Variants in CACNA1C observed in about 807,000 individuals in gnomAD.
CACNA1C encodes the protein calcium voltage-gated channel subunit alpha1 C, also known as voltage-dependent L-type calcium channel subunit alpha-1C.
CACNA1C carries 30 observed loss-of-function variants against 229.0 expected under a neutral mutation model. That is an observed-to-expected ratio of 0.13 (90% CI 0.10 to 0.18). The LOEUF (loss-of-function observed/expected upper bound fraction) is 0.18, where lower values mean the gene tolerates loss of function less well. Among genes scored for constraint, CACNA1C ranks in the 10% least tolerant of loss-of-function variants. The probability of loss-of-function intolerance (pLI) is 1.00; values close to 1 mark genes in which losing one functional copy is unlikely to be tolerated. For synonymous variants in CACNA1C, 1,114 were observed against 1,132.5 expected (o/e 0.98, Z 0.33); for missense variants, 1,658 against 2,845.0 (o/e 0.58, Z 9.49).
chr12:2,495,274 C>G lies in CACNA1C; in HGVS notation c.1113+1888C>G, dbSNP rs903714250. ...CTGGTCCTTCTTCCTGGGGTGGGTC[C>G]CTCTGACCAGCCAAGGACAGAAACA... is the stretch of plus-strand genomic sequence containing the variant. On this transcript the variant is annotated intron_variant, in intron 7 of 46. Coordinates refer to ENST00000399655, the MANE Select transcript of CACNA1C (RefSeq NM_000719.7). 2.0e-5 allele frequency among the ~76,000 whole-genome samples: 3 copies of G among 152,146 alleles called. No individual in the cohort carries two copies. The South Asian group carries it at 6.2e-4, about 32-fold the overall frequency.
At chr12:2,468,581 G>A (rs371155474) in intron 5 of CACNA1C, among the ~76,000 whole-genome samples, 30 of 152,342 alleles carry the variant, frequency 2.0e-4, no homozygotes, top group South Asian at 8.3e-4. Flanking sequence ...TTCCTGAGCC[G>A]AGGGGAATCA....
intron 3 of CACNA1C, among the ~76,000 whole-genome samples, chr12:2,265,705 C>T (rs1255801630): frequency 6.6e-6 from 1 of 152,222 alleles, no homozygotes; most frequent in African/African-American, 2.4e-5. Context: ...ATGGAATGTG[C>T]CTGGTAGCAA....
Position 2,029,670 on chromosome 12 carries a change from A to G in CACNA1C, c.139+58469A>G, listed in dbSNP as rs1413423040. On this transcript the variant is annotated intron_variant, in intron 1 of 46. Coordinates refer to the CACNA1C transcript ENST00000682462. The surrounding 1 kb of genome is among the most constrained non-coding windows in gnomAD (Gnocchi z 4.9). Reference sequence around the variant, plus strand: ...AATTTTGTTGCCTTTGTCTCTCACCACTCCCGAAGTGAGGCTAACTGACTG... The same window carrying G: ...AATTTTGTTGCCTTTGTCTCTCACCGCTCCCGAAGTGAGGCTAACTGACTG... Among the ~76,000 whole-genome samples the G allele has an allele frequency of 1.3e-5, 2 of 151,576 alleles. No homozygotes were observed. The highest frequency in any genetic ancestry group is 3.9e-4 in the East Asian group (2 of 5,166).
chr12:2,372,744 G>A (rs1594483876), intron 3 of CACNA1C, among the ~76,000 whole-genome samples: 2 of 152,110 alleles, frequency 1.3e-5, no homozygotes, highest in Admixed American at 1.3e-4. Flanking sequence ...CCATCCATCC[G>A]TTAGCCTGCC....
At chr12:2,567,446 A>G in intron 12 of CACNA1C, 123 bp from the exon 13 acceptor site, 1 of 635,276 alleles carries the variant, frequency 1.6e-6, no homozygotes, top group Non-Finnish European at 2.7e-6. Context: ...GCCGAGGTGG[A>G]TGGGAGAGGT....
chr12:2,402,983 A>G (rs959177457), intron 3 of CACNA1C, among the ~76,000 whole-genome samples: 12 of 152,180 alleles, frequency 7.9e-5, no homozygotes, highest in Admixed American at 7.2e-4. Flanking sequence ...GTTTTTGGGT[A>G]GGGATGCGAG....
Position 2,573,862 on chromosome 12 carries a change from G to T in CACNA1C, c.1895+6068G>T, listed in dbSNP as rs375100257. Among the ~76,000 whole-genome samples, 4 of 152,274 alleles carry T rather than the reference G, an allele frequency of 2.6e-5. No individual in the cohort carries two copies. In the South Asian group the frequency reaches 8.3e-4, roughly 32 times the overall value. The stretch of plus-strand genomic sequence containing the variant: ...TTCTATGAATGGGTGAGATCCGGGT[G>T]GACTTACAACTCATCCATGATGCCT... On this transcript the variant is annotated intron_variant, in intron 13 of 46. Coordinates refer to ENST00000399655, the MANE Select transcript of CACNA1C (RefSeq NM_000719.7).
At chr12:2,437,098 G>T (rs1483354157) in intron 3 of CACNA1C, among the ~76,000 whole-genome samples, 1 of 152,252 alleles carries the variant, frequency 6.6e-6, no homozygotes, top group Non-Finnish European at 1.5e-5. Context: ...GCAGGGTTGG[G>T]TCTCAGGCCA....
intron 8 of CACNA1C, among the ~76,000 whole-genome samples, chr12:2,511,754 C>T (rs1322839883): frequency 6.6e-6 from 1 of 152,166 alleles, no homozygotes; most frequent in Non-Finnish European, 1.5e-5. Context: ...CAGCCTCCTC[C>T]TTGCTCAGAA....
Position 2,651,288 on chromosome 12 carries a change from A to G in CACNA1C, c.3946-352A>G. 2.8e-6 allele frequency: 1 copy of G among 362,870 alleles called. No homozygotes were observed. Among genetic ancestry groups the G allele is most frequent in the Admixed American group, 4.1e-5 (1 of 24,296 alleles). The allele number at this position is 362,870 out of a possible 1,614,324, so 22.5% of individuals were successfully genotyped here. A position where few individuals can be genotyped will look rare whatever the true frequency, so the allele number is the denominator to read the frequency against. ...AGTGCAGAGGAGGGGTTCCCAGGGC[A>G]GCTGGCTCTGGGCCTAGAAGATTCC... On this transcript the variant is annotated intron_variant, in intron 31 of 46. Transcript: ENST00000399655. This position sits in a 1 kb window ranked among gnomAD's most constrained non-coding sequence, Gnocchi z 5.4.
Position 2,460,953 on chromosome 12 carries a change from G to A in CACNA1C, c.757+3247G>A, listed in dbSNP as rs550606256. On this transcript the variant is annotated intron_variant, in intron 5 of 46. Coordinates refer to ENST00000399655, the MANE Select transcript of CACNA1C (RefSeq NM_000719.7). Reference sequence around the variant, plus strand: ...TGGATCAGTGCACTGTACCAGTGTGGTTGGTGTCATCTACAAAGATGTCAG... The same window carrying A: ...TGGATCAGTGCACTGTACCAGTGTGATTGGTGTCATCTACAAAGATGTCAG... 3.3e-5 allele frequency among the ~76,000 whole-genome samples: 5 copies of A among 152,322 alleles called. No individual in the cohort carries two copies. The South Asian group carries it at 6.2e-4, about 19-fold the overall frequency.
rs960511816 is a variant in CACNA1C at position 2,488,036 on chromosome 12, A to C, written c.916+1774A>C. Among the ~76,000 whole-genome samples the C allele has an allele frequency of 6.6e-6, 1 of 152,210 alleles. No individual in the cohort carries two copies. Among genetic ancestry groups the C allele is most frequent in the African/African-American group, 2.4e-5 (1 of 41,448 alleles). ...AGTCTCAAAGATTCCCCATCAGTTC[A>C]GCAGTGAATGATGGTGAGGCCCTCA... On this transcript the variant is annotated intron_variant, in intron 6 of 46. Transcript: ENST00000399655. The surrounding 1 kb of genome is among the most constrained non-coding windows in gnomAD (Gnocchi z 4.0).
Position 2,653,883 on chromosome 12 carries a change from G to T in CACNA1C, c.4123G>T (p.Ala1375Ser). The change falls in exon 33 of 47, where the codon GCG (alanine) becomes TCG (serine). Residue 1375 changes from alanine to serine, a missense_variant. Around this residue, in one of 20 missense-constraint regions of CACNA1C, gnomAD observed 151 missense variants for 344.4 expected, o/e 0.44. Transcript: ENST00000399655. This position sits in a 1 kb window ranked among gnomAD's most constrained non-coding sequence, Gnocchi z 4.7. ...GATCGTGATGCTGTTCTTCATCTAC[G>T]CGGTGATCGGGATGCAGGTAGGGAG... The part of the protein sequence containing the change: ...LLIVMLFFIY[A>S]VIGMQVFGKI... 6.2e-7 allele frequency: 1 copy of T among 1,613,796 alleles called. No individual in the cohort carries two copies. The highest frequency in any genetic ancestry group is 8.5e-7 in the Non-Finnish European group (1 of 1,179,852).
At chr12:2,064,988 C>T (rs1247154021) in intron 1 of CACNA1C, among the ~76,000 whole-genome samples, 1 of 152,288 alleles carries the variant, frequency 6.6e-6, no homozygotes, top group Non-Finnish European at 1.5e-5. Context: ...ACTTTGAAGG[C>T]CAATGTACTT....
chr12:2,638,038 T>A (rs554197970), intron 30 of CACNA1C, among the ~76,000 whole-genome samples: 10 of 152,198 alleles, frequency 6.6e-5, no homozygotes, highest in Admixed American at 1.3e-4. Context: ...TTCCTATACG[T>A]CAGGCACCGT....
At chr12:2,260,505 GAAGA>G (rs2079692586) in intron 3 of CACNA1C, among the ~76,000 whole-genome samples, 2 of 148,376 alleles carry the variant, frequency 1.3e-5, no homozygotes. Context: ...AGAACAAGAA[GAAGA>G]AAGAGACAGA....
rs150687497 is a variant in CACNA1C, at chr12:2,492,335, C to G, written c.917-855C>G. 3.1e-3 allele frequency among the ~76,000 whole-genome samples: 478 copies of G among 152,330 alleles called. 3 individuals are homozygous for G. The highest frequency in any genetic ancestry group is 0.011 in the African/African-American group (455 of 41,578). The stretch of plus-strand genomic sequence containing the variant: ...TGCATTTAGCCACAGACACTGTGTT[C>G]TACTGTTTCCTGACAAAGCCCCGTC... On this transcript the variant is annotated intron_variant, in intron 6 of 46. Coordinates refer to ENST00000399655, the MANE Select transcript of CACNA1C (RefSeq NM_000719.7).
At chr12:2,142,190 G>A (rs2094292776) in intron 3 of CACNA1C, among the ~76,000 whole-genome samples, 1 of 151,270 alleles carries the variant, frequency 6.6e-6, no homozygotes, top group Non-Finnish European at 1.5e-5. Context: ...CAAGGACCGT[G>A]TGGGGTGGAT....
intron 3 of CACNA1C, among the ~76,000 whole-genome samples, chr12:2,416,660 G>A (rs1317262716): frequency 6.6e-6 from 1 of 152,236 alleles, no homozygotes; most frequent in Non-Finnish European, 1.5e-5. Flanking sequence ...CAGAAGTCCT[G>A]TGGGTGACAA....
Sources: allele counts gnomAD v4.1 joint callset (sites outside exome capture counted in the v4.1 genomes callset), GRCh38; gene constraint gnomAD v4.1.1; regional missense constraint gnomAD v4.1.1; non-coding constraint Gnocchi (gnomAD v3.1); transcripts MANE v1.5; gene names NCBI Gene and HGNC (gene_info 2026-07-23, HGNC 2026-07-21).